RNF13: variants seen among roughly 807,000 people sequenced by gnomAD.
RNF13 encodes the protein ring finger protein 13, also known as E3 ubiquitin-protein ligase RNF13.
Under a neutral mutation model 37.7 loss-of-function variants are expected in RNF13, and 19 were observed. The ratio of observed to expected loss-of-function variants is 0.50; its 90% CI spans 0.35 to 0.74. The LOEUF (loss-of-function observed/expected upper bound fraction) is 0.74, where lower values mean the gene tolerates loss of function less well. Among genes scored for constraint, RNF13 ranks in the 30% least tolerant of loss-of-function variants. RNF13 has a pLI of 0.01. For missense variants in RNF13, 375 were observed against 453.0 expected (o/e 0.83, Z 1.56); for synonymous variants, 144 against 157.8 (o/e 0.91, Z 0.65).
intron 3 of RNF13, among the ~76,000 whole-genome samples, chr3:149,868,696 C>T (rs1711624991): frequency 6.7e-6 from 1 of 150,056 alleles, no homozygotes; most frequent in African/African-American, 2.4e-5. Context: ...TATTGTTTTT[C>T]AATGAAAAGT....
intron 4 of RNF13, among the ~76,000 whole-genome samples, chr3:149,876,210 CTGGT>C (rs1398638753): frequency 6.6e-6 from 1 of 152,176 alleles, no homozygotes; most frequent in Non-Finnish European, 1.5e-5. Flanking sequence ...TTAGCAAAGG[CTGGT>C]AAACAGAAAT....
chr3:149,881,824 A>G (rs1713443954), intron 4 of RNF13, among the ~76,000 whole-genome samples: 1 of 152,216 alleles, frequency 6.6e-6, no homozygotes, highest in African/African-American at 2.4e-5. Flanking sequence ...TATGCCACTT[A>G]GCAAAAGGTC....
At chr3:149,884,909 A>G (rs1713849347) in intron 4 of RNF13, among the ~76,000 whole-genome samples, 1 of 151,290 alleles carries the variant, frequency 6.6e-6, no homozygotes, top group Admixed American at 6.6e-5. Context: ...TCCCCCCACT[A>G]CACTACTCTC....
intron 7 of RNF13, among the ~76,000 whole-genome samples, chr3:149,914,763 C>A (rs1465659136): frequency 6.6e-6 from 1 of 151,946 alleles, no homozygotes; most frequent in East Asian, 1.9e-4. Flanking sequence ...CATGGTGAAA[C>A]CGCGTCTCTA....
chr3:149,906,645 C>CTTTTTTTT lies in RNF13; in HGVS notation c.500+4500_500+4507dup, dbSNP rs35801459. Among the ~76,000 whole-genome samples the CTTTTTTTT allele has an allele frequency of 3.6e-3, 281 of 79,036 alleles. 1 individual carries two copies. Among genetic ancestry groups the CTTTTTTTT allele is most frequent in the East Asian group, 4.9e-3 (12 of 2,428 alleles). The allele number at this position is 79,036 out of a possible 152,430, so 51.9% of individuals were successfully genotyped here. On this transcript the variant is annotated intron_variant, in intron 6 of 9. Transcript: ENST00000392894. ...ATGTCCTTTCATTTGTTCAATTCTG[C>CTTTTTTTT]TTTTTTTTTTTTTTTTTTTTTTTTA...
At chr3:149,853,058 A>C (rs554569755) in intron 3 of RNF13, among the ~76,000 whole-genome samples, 9 of 152,212 alleles carry the variant, frequency 5.9e-5, no homozygotes, top group African/African-American at 2.2e-4. Flanking sequence ...TACATTATTA[A>C]TTGTAACAGC....
chr3:149,816,358 T>C (rs1485406407), intron 1 of RNF13, among the ~76,000 whole-genome samples: 1 of 152,200 alleles, frequency 6.6e-6, no homozygotes, highest in Non-Finnish European at 1.5e-5. Flanking sequence ...TTAAAAAATA[T>C]GGAATGCTGT....
Position 149,821,069 on chromosome 3 carries a change from A to G in RNF13, c.-17+7716A>G, listed in dbSNP as rs562463729. On this transcript the variant is annotated intron_variant, in intron 1 of 9. Coordinates refer to ENST00000392894, the MANE Select transcript of RNF13 (RefSeq NM_183381.3). Reference sequence around the variant, plus strand: ...TATCAGTTTGTTTATCCATTTATCCATCGATGGATATTTGGGTTGTTTCCA... The same window carrying G: ...TATCAGTTTGTTTATCCATTTATCCGTCGATGGATATTTGGGTTGTTTCCA... Among the ~76,000 whole-genome samples the G allele has an allele frequency of 2.6e-5, 4 of 152,258 alleles. No homozygotes were observed. In the South Asian group the frequency reaches 8.3e-4, roughly 32 times the overall value.
At chr3:149,828,747 G>C (rs1720740920) in intron 1 of RNF13, among the ~76,000 whole-genome samples, 1 of 151,806 alleles carries the variant, frequency 6.6e-6, no homozygotes, top group Non-Finnish European at 1.5e-5. Flanking sequence ...TATGAATAAT[G>C]ACTTGGTACG....
chr3:149,832,840 A>G (rs953203948), intron 1 of RNF13, among the ~76,000 whole-genome samples: 2 of 152,308 alleles, frequency 1.3e-5, no homozygotes, highest in South Asian at 4.1e-4. Flanking sequence ...ATGAAAAAAT[A>G]GAAAGCTTGC....
intron 6 of RNF13, among the ~76,000 whole-genome samples, chr3:149,907,222 A>G (rs921886316): frequency 6.6e-6 from 1 of 152,040 alleles, no homozygotes; most frequent in Non-Finnish European, 1.5e-5. Flanking sequence ...TTCCTTTCCA[A>G]TTCTTATGCT....
chr3:149,871,984 T>G (rs773210170), intron 3 of RNF13, 45 bp from the exon 4 acceptor site: 3 of 1,517,272 alleles, frequency 2.0e-6, no homozygotes, highest in Non-Finnish European at 2.7e-6. Flanking sequence ...GTTGATTGAT[T>G]TACTGAGTGA....
intron 8 of RNF13, among the ~76,000 whole-genome samples, chr3:149,937,783 T>C (rs1173692142): frequency 6.6e-6 from 1 of 152,170 alleles, no homozygotes; most frequent in African/African-American, 2.4e-5. Context: ...TCCATTGTGC[T>C]CTGCATGGTA....
At chr3:149,915,517 C>G (rs1359238113) in intron 7 of RNF13, among the ~76,000 whole-genome samples, 2 of 152,046 alleles carry the variant, frequency 1.3e-5, no homozygotes, top group African/African-American at 4.8e-5. Context: ...AAAAAGAATT[C>G]AAAGCAAAGA....
intron 4 of RNF13, among the ~76,000 whole-genome samples, chr3:149,893,137 T>C (rs1219106813): frequency 6.6e-6 from 1 of 152,212 alleles, no homozygotes; most frequent in Non-Finnish European, 1.5e-5. Context: ...GTGCCTAGTA[T>C]GGATACAGTT....
intron 6 of RNF13, among the ~76,000 whole-genome samples, chr3:149,907,289 T>C (rs899247520): frequency 1.3e-5 from 2 of 152,208 alleles, no homozygotes; most frequent in African/African-American, 2.4e-5. Context: ...CCATGTTAAA[T>C]AGTAGTAGAG....
intron 8 of RNF13, among the ~76,000 whole-genome samples, chr3:149,949,455 G>A (rs929878538): frequency 6.7e-6 from 1 of 148,774 alleles, no homozygotes; most frequent in African/African-American, 2.5e-5. Context: ...CTGCTTTCAA[G>A]ATCTCTGTCA....
intron 8 of RNF13, among the ~76,000 whole-genome samples, chr3:149,952,874 C>T (rs1721481439): frequency 6.6e-6 from 1 of 152,214 alleles, no homozygotes; most frequent in South Asian, 2.1e-4. Context: ...GCTGGGATTA[C>T]AGGCATGAGC....
At chr3:149,888,518 G>T (rs755745944) in intron 4 of RNF13, among the ~76,000 whole-genome samples, 8 of 152,190 alleles carry the variant, frequency 5.3e-5, no homozygotes, top group Non-Finnish European at 1.0e-4. Context: ...TTTTGGGCTT[G>T]CCTTTTCTCT....
Sources: allele counts gnomAD v4.1 joint callset (sites outside exome capture counted in the v4.1 genomes callset), GRCh38; gene constraint gnomAD v4.1.1; transcripts MANE v1.5; gene names NCBI Gene and HGNC (gene_info 2026-07-23, HGNC 2026-07-21).